Variants in IMMP2L observed in about 807,000 individuals in gnomAD.
The protein encoded by IMMP2L is inner mitochondrial membrane peptidase subunit 2, also known as mitochondrial inner membrane protease subunit 2.
IMMP2L carries 18 observed loss-of-function variants against 19.3 expected under a neutral mutation model. That is an observed-to-expected ratio of 0.93 (90% CI 0.64 to 1.38). The LOEUF (loss-of-function observed/expected upper bound fraction) is 1.38, where lower values mean the gene tolerates loss of function less well. Among genes scored for constraint, IMMP2L ranks in the 40% most tolerant of loss-of-function variants. The pLI is 0.00. For synonymous variants in IMMP2L, 76 were observed against 73.0 expected (o/e 1.04, Z -0.21); for missense variants, 233 against 218.2 (o/e 1.07, Z -0.43).
chr7:110,851,999 A>G (rs988113087), intron 5 of IMMP2L, among the ~76,000 whole-genome samples: 3 of 152,056 alleles, frequency 2.0e-5, no homozygotes, highest in Non-Finnish European at 4.4e-5. Flanking sequence ...CAAAATTGAC[A>G]CTGCATGACT....
intron 5 of IMMP2L, among the ~76,000 whole-genome samples, chr7:110,847,201 C>T (rs1180100741): frequency 6.6e-6 from 1 of 152,052 alleles, no homozygotes; most frequent in Non-Finnish European, 1.5e-5. Flanking sequence ...ATTAAAGTTA[C>T]AGGACTATTT....
chr7:110,918,735 T>C (rs925141134), intron 4 of IMMP2L, among the ~76,000 whole-genome samples: 13 of 152,148 alleles, frequency 8.5e-5, no homozygotes, highest in Non-Finnish European at 1.3e-4. Context: ...ATTAAAGGCG[T>C]GAGCCACTGC....
intron 1 of IMMP2L, among the ~76,000 whole-genome samples, chr7:111,548,857 A>C (rs1449741899): frequency 6.6e-6 from 1 of 152,178 alleles, no homozygotes; most frequent in South Asian, 2.1e-4. Context: ...GAGACTGGTC[A>C]TAAGTGCTTT....
rs138277917 is a variant in IMMP2L, at chr7:111,047,973, C to T, written c.240-84408G>A. On this transcript the variant is annotated intron_variant, in intron 3 of 5. Transcript: ENST00000405709. ...GGCTGCTTCCTGCCGGGTGTGGTGG[C>T]TCACGCTTGTAATCCCAGCACTTTG... Among the ~76,000 whole-genome samples, 313 of 152,018 alleles carry T rather than the reference C, an allele frequency of 2.1e-3. 2 individuals carry two copies. Among genetic ancestry groups the T allele is most frequent in the African/African-American group, 7.2e-3 (297 of 41,474 alleles).
chr7:111,012,356 T>C (rs1418887874), intron 3 of IMMP2L, among the ~76,000 whole-genome samples: 1 of 152,156 alleles, frequency 6.6e-6, no homozygotes, highest in Non-Finnish European at 1.5e-5. Context: ...AATGACTCAC[T>C]ATAGTGCGAA....
chr7:111,210,888 C>G (rs1316305206), intron 3 of IMMP2L, among the ~76,000 whole-genome samples: 1 of 151,916 alleles, frequency 6.6e-6, no homozygotes, highest in South Asian at 2.1e-4. Context: ...TGTTGTGTCC[C>G]CCAGCAGTGT....
Position 110,896,608 on chromosome 7 carries a change from T to C in IMMP2L, c.306-9913A>G, listed in dbSNP as rs1811345978. Among the ~76,000 whole-genome samples the C allele has an allele frequency of 1.1e-4, 3 of 28,180 alleles. 1 individual carries two copies. The highest frequency in any genetic ancestry group is 3.0e-4 in the Admixed American group (1 of 3,344). 18.5% of individuals were successfully genotyped at this position (28,180 alleles called of 152,430 possible). ...TGACTTCTGTATTTGTGGCACATTT[T>C]GCCTTTCAAAAATTTTTAATTTCAA... On this transcript the variant is annotated intron_variant, in intron 4 of 5. Coordinates refer to ENST00000405709, the MANE Select transcript of IMMP2L (RefSeq NM_032549.4).
At chr7:111,362,022 A>T (rs1281677985) in intron 3 of IMMP2L, among the ~76,000 whole-genome samples, 1 of 152,136 alleles carries the variant, frequency 6.6e-6, no homozygotes, top group African/African-American at 2.4e-5. Flanking sequence ...TGCAAAGGCT[A>T]TAATTTCTAG....
Position 111,411,778 on chromosome 7 carries a change from C to G in IMMP2L, c.239+75460G>C, listed in dbSNP as rs1241117021. On this transcript the variant is annotated intron_variant, in intron 3 of 5. Transcript: ENST00000405709. Reference sequence around the variant, plus strand: ...ACAAGGAGGAGCTGGTGAGCGTCAACGTGCAGGGGAATTATGAGCCAATCG... The same window carrying G: ...ACAAGGAGGAGCTGGTGAGCGTCAAGGTGCAGGGGAATTATGAGCCAATCG... 4 of 199,168 alleles carry G rather than the reference C, an allele frequency of 2.0e-5. No homozygotes were observed. In the South Asian group the frequency reaches 3.8e-4, roughly 19 times the overall value. 12.3% of individuals were successfully genotyped at this position (199,168 alleles called of 1,614,324 possible).
chr7:111,050,505 C>G (rs1382462339), intron 3 of IMMP2L, among the ~76,000 whole-genome samples: 1 of 152,180 alleles, frequency 6.6e-6, no homozygotes, highest in Non-Finnish European at 1.5e-5. Context: ...TTGACGCGTT[C>G]TTTCTTTAGG....
At chr7:111,498,905 T>C (rs772947446) in intron 2 of IMMP2L, among the ~76,000 whole-genome samples, 2 of 151,978 alleles carry the variant, frequency 1.3e-5, no homozygotes, top group African/African-American at 2.4e-5. Flanking sequence ...CTCAAATGCA[T>C]AGGAAACAGC....
rs1207773617 is a variant in IMMP2L at position 110,870,641 on chromosome 7, G to C, written c.408+15952C>G. Among the ~76,000 whole-genome samples, 2 of 152,058 alleles carry C rather than the reference G, an allele frequency of 1.3e-5. No individual in the cohort carries two copies. The highest frequency in any genetic ancestry group is 4.8e-5 in the African/African-American group (2 of 41,402). On this transcript the variant is annotated intron_variant, in intron 5 of 5. Transcript: ENST00000405709. The surrounding 1 kb of genome is among the most constrained non-coding windows in gnomAD (Gnocchi z 4.2). ...TTCCCTGAAGTGGGGAAAATAAAGA[G>C]CCAACCACACAAAGACCTAAAGGAA...
chr7:111,423,450 G>A (rs1455624995), intron 3 of IMMP2L, among the ~76,000 whole-genome samples: 2 of 151,766 alleles, frequency 1.3e-5, no homozygotes, highest in Middle Eastern at 3.2e-3. Context: ...TTGGGAGGCT[G>A]TATGTTTCCA....
At chr7:110,821,519 T>G (rs1262861975) in intron 5 of IMMP2L, among the ~76,000 whole-genome samples, 1 of 152,078 alleles carries the variant, frequency 6.6e-6, no homozygotes, top group African/African-American at 2.4e-5. Flanking sequence ...TGTTGGGTAG[T>G]TTTACAAAAT....
At chr7:110,978,647 C>T (rs1820942882) in intron 3 of IMMP2L, among the ~76,000 whole-genome samples, 1 of 151,988 alleles carries the variant, frequency 6.6e-6, no homozygotes, top group African/African-American at 2.4e-5. Context: ...AAAGATCAAA[C>T]TATTAATTGC....
chr7:111,396,054 C>A (rs1380592440), intron 3 of IMMP2L, among the ~76,000 whole-genome samples: 1 of 152,032 alleles, frequency 6.6e-6, no homozygotes, highest in Non-Finnish European at 1.5e-5. Context: ...TTAGTTCAAC[C>A]ATTGTGGAAG....
At chr7:111,013,235 G>A (rs1825163041) in intron 3 of IMMP2L, among the ~76,000 whole-genome samples, 1 of 152,124 alleles carries the variant, frequency 6.6e-6, no homozygotes, top group Non-Finnish European at 1.5e-5. Flanking sequence ...AGTACTAAGA[G>A]CAATTGAGAA....
chr7:111,044,396 C>T (rs1792186980), intron 3 of IMMP2L, among the ~76,000 whole-genome samples: 1 of 151,992 alleles, frequency 6.6e-6, no homozygotes. Context: ...CCCGTCTCTA[C>T]TAAAAAATAC....
At chr7:111,401,067 G>T (rs1833380670) in intron 3 of IMMP2L, among the ~76,000 whole-genome samples, 1 of 152,026 alleles carries the variant, frequency 6.6e-6, no homozygotes, top group Non-Finnish European at 1.5e-5. Context: ...GTTTACTTTG[G>T]ACAGAACAGA....
Sources: gnomAD v4.1 joint callset for allele counts (sites outside exome capture counted in the v4.1 genomes callset) on GRCh38, gnomAD v4.1.1 for gene constraint, Gnocchi (gnomAD v3.1) non-coding constraint, MANE v1.5 for transcripts, NCBI Gene and HGNC (gene_info 2026-07-23, HGNC 2026-07-21) for gene names.